UPF3A: variants seen among roughly 807,000 people sequenced by gnomAD.
UPF3A encodes the protein regulator of nonsense transcripts 3A.
Under a neutral mutation model 53.5 loss-of-function variants are expected in UPF3A, and 42 were observed. The ratio of observed to expected loss-of-function variants is 0.78; its 90% CI spans 0.61 to 1.01. UPF3A has a LOEUF of 1.01. Among genes scored for constraint, UPF3A ranks in the 50% least tolerant of loss-of-function variants. The pLI is 0.00. For missense variants in UPF3A, 575 were observed against 598.0 expected (o/e 0.96, Z 0.40); for synonymous variants, 237 against 225.3 (o/e 1.05, Z -0.47).
intron 9 of UPF3A, among the ~76,000 whole-genome samples, chr13:114,302,455 C>A (rs1384701179): frequency 2.0e-5 from 3 of 151,990 alleles, no homozygotes; most frequent in Admixed American, 1.3e-4. Flanking sequence ...CTGTGGTTAC[C>A]CCCTTAGCCA....
intron 8 of UPF3A, among the ~76,000 whole-genome samples, chr13:114,299,542 G>A (rs935709446): frequency 2.6e-5 from 4 of 152,226 alleles, no homozygotes; most frequent in Non-Finnish European, 1.5e-5. Context: ...TTGACCAGCA[G>A]CTTTGGCTGT....
Position 114,291,628 on chromosome 13 carries a change from CTT to C in UPF3A, c.688-4_688-3del. ...AGTTTATACACACGCTCTTCCATGTCTTTAGAGAATTCGAGAAGAGAAGCGAG... is the reference window on the plus strand; with the variant it reads ...AGTTTATACACACGCTCTTCCATGTCTAGAGAATTCGAGAAGAGAAGCGAG... On this transcript the variant is annotated splice_region_variant and splice_polypyrimidine_tract_variant and intron_variant, in intron 6 of 9. Transcript: ENST00000375299. 6.2e-7 allele frequency: 1 copy of C among 1,604,516 alleles called. No individual in the cohort carries two copies. Among genetic ancestry groups the C allele is most frequent in the Non-Finnish European group, 8.5e-7 (1 of 1,177,920 alleles).
At chr13:114,286,127 T>A in intron 3 of UPF3A, 175 bp from the exon 4 acceptor site, 2 of 822,206 alleles carry the variant, frequency 2.4e-6, no homozygotes, top group Admixed American at 3.2e-5. Flanking sequence ...GTAATAAAAT[T>A]GTAGGTTTTT....
chr13:114,291,614 A>G lies in UPF3A; in HGVS notation c.688-20A>G. The G allele has an allele frequency of 6.2e-7, 1 of 1,606,062 alleles. No homozygotes were observed. Among genetic ancestry groups the G allele is most frequent in the South Asian group, 1.1e-5 (1 of 87,904 alleles). ...ATTCTCATCCAGGCAGTTTATACAC[A>G]CGCTCTTCCATGTCTTTAGAGAATT... On this transcript the variant is annotated intron_variant, in intron 6 of 9. Transcript: ENST00000375299.
At chr13:114,299,669 G>A (rs2086410565) in intron 8 of UPF3A, among the ~76,000 whole-genome samples, 1 of 152,240 alleles carries the variant, frequency 6.6e-6, no homozygotes, top group Non-Finnish European at 1.5e-5. Flanking sequence ...GGGCCAGAGA[G>A]ACCAGCCAGA....
chr13:114,291,495 G>T lies in UPF3A; in HGVS notation c.638G>T (p.Arg213Ile), dbSNP rs369499398. The change falls in exon 6 of 10, where the codon AGA becomes ATA. Residue 213 changes from arginine to isoleucine, a missense_variant. Arg to Ile is a moderately conservative substitution (Grantham distance 97, BLOSUM62 -3). This residue lies in a region of UPF3A where 323 missense variants were observed against 415.2 expected (regional missense o/e 0.78). Coordinates refer to ENST00000375299, the MANE Select transcript of UPF3A (RefSeq NM_023011.4). ...EAKTRELIAR[R>I]TTPLLEYIKN... ...TACAATTTTTGTGTTTTAGCTAGAA[G>T]AACCACACCTCTTTTGGAATATATT... 74 of 1,606,498 alleles carry T rather than the reference G, an allele frequency of 4.6e-5. No homozygotes were observed. The highest frequency in any genetic ancestry group is 1.2e-4 in the Admixed American group (7 of 58,848).
At chr13:114,304,312 T>G (rs1413568105) in intron 9 of UPF3A, among the ~76,000 whole-genome samples, 1 of 152,232 alleles carries the variant, frequency 6.6e-6, no homozygotes, top group African/African-American at 2.4e-5. Context: ...CATGGGTCAT[T>G]TTTATTGCTT....
chr13:114,281,907 G>GGGGAGGGAGGGGA lies in UPF3A; in HGVS notation c.207+69_207+81dup, dbSNP rs1050294629. 4.8e-6 allele frequency: 5 copies of GGGGAGGGAGGGGA among 1,035,256 alleles called. No homozygotes were observed. In the South Asian group the frequency reaches 6.0e-5, roughly 12 times the overall value. The allele number at this position is 1,035,256 out of a possible 1,614,324, so 64.1% of individuals were successfully genotyped here. A position where few individuals can be genotyped will look rare whatever the true frequency, so the allele number is the denominator to read the frequency against. ...GAGAGGACGGCCCTGAGTGGAGGGAGGGGAGGGAGGGGAGGGAGGGGCGGG... is the reference window on the plus strand; with the variant it reads ...GAGAGGACGGCCCTGAGTGGAGGGAGGGGAGGGAGGGGAGGGAGGGAGGGGAGGGAGGGGCGGG... On this transcript the variant is annotated intron_variant, in intron 1 of 9. Coordinates refer to ENST00000375299, the MANE Select transcript of UPF3A (RefSeq NM_023011.4).
At chr13:114,284,329 C>T (rs1257463246) in intron 3 of UPF3A, among the ~76,000 whole-genome samples, 1 of 148,968 alleles carries the variant, frequency 6.7e-6, no homozygotes, top group Non-Finnish European at 1.5e-5. Context: ...GCCACTGCAT[C>T]CCAGCCGGGG....
At chr13:114,285,666 C>T (rs1404608961) in intron 3 of UPF3A, 1 of 152,320 alleles carries the variant, frequency 6.6e-6, no homozygotes, top group Non-Finnish European at 1.5e-5. Flanking sequence ...TTTTCCCCCA[C>T]ATAGCAACGA....
intron 5 of UPF3A, chr13:114,286,933 A>G (rs1021473246): frequency 3.8e-6 from 1 of 262,224 alleles, no homozygotes; most frequent in Non-Finnish European, 7.3e-6. Context: ...CAGGGAAGGC[A>G]TGTTGTGTCA....
At chr13:114,304,752 C>T in intron 9 of UPF3A, 37 bp from the exon 10 acceptor site, 2 of 1,607,948 alleles carry the variant, frequency 1.2e-6, no homozygotes, top group Middle Eastern at 1.7e-4. Flanking sequence ...TGTGTTGCTA[C>T]CTCTTGGAAG....
At chr13:114,298,009 A>G (rs1472784596) in intron 7 of UPF3A, among the ~76,000 whole-genome samples, 9 of 152,008 alleles carry the variant, frequency 5.9e-5, no homozygotes, top group African/African-American at 1.2e-4. Context: ...CTCCATCTCA[A>G]AAAAGGAAAT....
At chr13:114,283,752 C>G (rs990193788) in intron 3 of UPF3A, 2 of 985,492 alleles carry the variant, frequency 2.0e-6, no homozygotes, top group Non-Finnish European at 2.4e-6. Context: ...TTCTAGGGTT[C>G]TGCTTTCATC....
intron 7 of UPF3A, among the ~76,000 whole-genome samples, chr13:114,298,474 A>C (rs915911708): frequency 1.3e-5 from 2 of 152,052 alleles, no homozygotes; most frequent in African/African-American, 4.8e-5. Flanking sequence ...TTGGAGGCGG[A>C]GGCTGCAGTG....
chr13:114,294,851 A>G (rs181231621), intron 7 of UPF3A, among the ~76,000 whole-genome samples: 73 of 148,808 alleles, frequency 4.9e-4, no homozygotes, highest in South Asian at 2.1e-3. Flanking sequence ...GGTGGCTCAC[A>G]CCTGTAATCC....
Position 114,282,850 on chromosome 13 carries a change from C to G in UPF3A, c.328C>G (p.Leu110Val). The G allele has an allele frequency of 6.2e-7, 1 of 1,607,384 alleles. No homozygotes were observed. Among genetic ancestry groups the G allele is most frequent in the Non-Finnish European group, 8.5e-7 (1 of 1,175,964 alleles). Residue 110 changes from leucine (L) to valine (V), a missense_variant, in exon 3 of 10, where the codon CTC becomes GTC. Physicochemically the swap from Leu to Val is conservative, Grantham distance 32. Around this residue, in one of 2 missense-constraint regions of UPF3A, gnomAD observed 252 missense variants for 182.7 expected, o/e 1.38. Transcript: ENST00000375299. The part of the protein sequence containing the change: ...FAADLSLYPH[L>V]YSRAYINFRN... ...CTCTTATTTCAGTCTTTATCCTCAT[C>G]TCTACTCAAGAGCATACATTAATTT...
chr13:114,302,455 C>T (rs1384701179), intron 9 of UPF3A, among the ~76,000 whole-genome samples: 2 of 151,990 alleles, frequency 1.3e-5, no homozygotes, highest in African/African-American at 2.4e-5. Context: ...CTGTGGTTAC[C>T]CCCTTAGCCA....
At position 114,281,661 on chromosome 13, in the gene UPF3A, G is replaced by A. The variant is rs775514726; in HGVS notation, c.22G>A (p.Ala8Thr). The stretch of plus-strand genomic sequence containing the variant: ...CGGCATGCGCTCGGAAAAGGAGGGG[G>A]CCGGAGGCCTTCGGGCGGCCGTTGC... MRSEKEG[A>T]GGLRAAVAAR... The change falls in exon 1 of 10, where the codon GCC becomes ACC. Residue 8 changes from alanine to threonine, a missense_variant. By Grantham distance (58) the Ala-to-Thr change is moderately conservative. This residue lies in a region of UPF3A where 252 missense variants were observed against 182.7 expected (regional missense o/e 1.38). Coordinates refer to ENST00000375299, the MANE Select transcript of UPF3A (RefSeq NM_023011.4). 1 of 1,520,220 alleles carries A rather than the reference G, an allele frequency of 6.6e-7. No individual in the cohort carries two copies. Among genetic ancestry groups the A allele is most frequent in the Non-Finnish European group, 8.8e-7 (1 of 1,135,680 alleles). The allele number at this position is 1,520,220 out of a possible 1,614,324, so 94.2% of individuals were successfully genotyped here. A position where few individuals can be genotyped will look rare whatever the true frequency, so the allele number is the denominator to read the frequency against.
Sources: gnomAD v4.1 joint callset for allele counts (sites outside exome capture counted in the v4.1 genomes callset) on GRCh38, gnomAD v4.1.1 for gene constraint, gnomAD v4.1.1 regional missense constraint, MANE v1.5 for transcripts, NCBI Gene and HGNC (gene_info 2026-07-23, HGNC 2026-07-21) for gene names.